The following IL5RA variants were observed in gnomAD, a reference collection of about 807,000 sequenced individuals.
IL5RA encodes interleukin 5 receptor subunit alpha, also known as interleukin-5 receptor subunit alpha.
A neutral mutation model predicts 50.0 loss-of-function variants in IL5RA; 49 were observed. The observed-to-expected ratio is 0.98, with a 90% CI of 0.78 to 1.24. The LOEUF (loss-of-function observed/expected upper bound fraction) is 1.24, where lower values mean the gene tolerates loss of function less well. Ranked by LOEUF, IL5RA falls within the 50% of genes most tolerant of loss-of-function variation. The pLI, the probability that IL5RA is intolerant of heterozygous loss-of-function variation, is 0.00. For missense variants in IL5RA, 600 were observed against 500.4 expected (o/e 1.20, Z -1.90); for synonymous variants, 202 against 174.0 (o/e 1.16, Z -1.26).
intron 11 of IL5RA, among the ~76,000 whole-genome samples, chr3:3,072,337 A>G (rs1407633953): frequency 6.6e-6 from 1 of 152,220 alleles, no homozygotes; most frequent in Non-Finnish European, 1.5e-5. Context: ...AAACTCTGCA[A>G]TGTGAGAAGA....
chr3:3,088,220 T>C (rs1702948641), intron 9 of IL5RA, among the ~76,000 whole-genome samples: 2 of 152,222 alleles, frequency 1.3e-5, no homozygotes, highest in South Asian at 4.1e-4. Flanking sequence ...GATCACAATT[T>C]CACTCTCAGC....
rs1702232841 is a variant in IL5RA at position 3,069,684 on chromosome 3, C to G, written c.*541G>C. The G allele has an allele frequency of 6.6e-6, 1 of 151,782 alleles. No individual in the cohort carries two copies. Among genetic ancestry groups the G allele is most frequent in the Non-Finnish European group, 1.5e-5 (1 of 68,292 alleles). 9.4% of individuals were successfully genotyped at this position (151,782 alleles called of 1,614,324 possible). A position where few individuals can be genotyped will look rare whatever the true frequency, so the allele number is the denominator to read the frequency against. ...TCATACACACACATACACAATCTAC[C>G]TAGAAAAAGATCATTCTAGAATGTA... On this transcript the variant is annotated 3_prime_UTR_variant, in exon 12 of 12. Coordinates refer to ENST00000446632, the MANE Select transcript of IL5RA (RefSeq NM_175726.4).
In IL5RA at chr3:3,099,731, A is replaced by G. The variant is rs534484112; in HGVS notation, c.368-1441T>C. ...GTCACCCAGGCTAGAGTGCAGTGGC[A>G]TGATCTCAGCTCACTGCAACCTCAC... On this transcript the variant is annotated intron_variant, in intron 5 of 11. Coordinates refer to ENST00000446632, the MANE Select transcript of IL5RA (RefSeq NM_175726.4). 4.0e-5 allele frequency among the ~76,000 whole-genome samples: 6 copies of G among 151,612 alleles called. No individual in the cohort carries two copies. In the South Asian group the frequency reaches 1.0e-3, roughly 26 times the overall value.
chr3:3,091,460 A>G (rs1356761614), intron 9 of IL5RA, among the ~76,000 whole-genome samples: 1 of 152,188 alleles, frequency 6.6e-6, no homozygotes, highest in Non-Finnish European at 1.5e-5. Context: ...GGCTCGGCAC[A>G]GCGGCTCATG....
At chr3:3,076,161 C>G (rs1459417533) in intron 10 of IL5RA, among the ~76,000 whole-genome samples, 6 of 152,112 alleles carry the variant, frequency 3.9e-5, no homozygotes, top group Non-Finnish European at 8.8e-5. Context: ...TTTAGCCTCC[C>G]TGAGCTGTGA....
chr3:3,107,526 A>G (rs1703985727), intron 2 of IL5RA, among the ~76,000 whole-genome samples: 1 of 152,228 alleles, frequency 6.6e-6, no homozygotes, highest in Admixed American at 6.5e-5. Context: ...TATCGACAAT[A>G]TGTTCGACTC....
At chr3:3,091,927 A>G (rs1703129207) in intron 9 of IL5RA, 3 of 1,004,912 alleles carry the variant, frequency 3.0e-6, no homozygotes, top group African/African-American at 3.4e-5. Context: ...TGTGATAATT[A>G]TTTCAAAATA....
chr3:3,104,788 C>G (rs1703826757), intron 3 of IL5RA, 115 bp downstream of exon 3: 1 of 577,918 alleles, frequency 1.7e-6, no homozygotes, highest in Admixed American at 3.2e-5. Flanking sequence ...TAAATATTGT[C>G]TCATAAAAAT....
chr3:3,107,928 C>CT (rs1250371950), intron 2 of IL5RA, among the ~76,000 whole-genome samples: 5 of 152,028 alleles, frequency 3.3e-5, no homozygotes, highest in Admixed American at 1.3e-4. Flanking sequence ...ATTTTCCCCT[C>CT]TTTTTTTTCC....
At chr3:3,073,810 A>G (rs970408194) in intron 11 of IL5RA, 4 of 451,408 alleles carry the variant, frequency 8.9e-6, no homozygotes, top group Non-Finnish European at 1.3e-5. Flanking sequence ...TAAGATGTAT[A>G]TGAAAATGCA....
chr3:3,071,727 C>T (rs1186643595), intron 11 of IL5RA, among the ~76,000 whole-genome samples: 1 of 152,004 alleles, frequency 6.6e-6, no homozygotes, highest in Non-Finnish European at 1.5e-5. Context: ...GTATCTGAGG[C>T]TACAGGTGTG....
At chr3:3,071,181 G>A (rs17659401) in intron 11 of IL5RA, among the ~76,000 whole-genome samples, 26,274 of 152,154 alleles carry the variant, frequency 0.17, 2,697 homozygotes, top group Non-Finnish European at 0.23. Flanking sequence ...CCACAGTGCC[G>A]TGTCTCGGGA....
At position 3,076,584 on chromosome 3, in the gene IL5RA, C is replaced by T; in HGVS notation, c.1038G>A (p.Val346=). Residue 346 remains valine (V), a synonymous_variant, in exon 10 of 12, where the codon GTG becomes GTA. Coordinates refer to ENST00000446632, the MANE Select transcript of IL5RA (RefSeq NM_175726.4). The part of the protein sequence containing the change: ...HKPLREWFVI[V]IMATICFILL... ...AGATGAAGCAGATGGTTGCCATAAT[C>T]ACAATGACAAACCACTCTCTCAAGG... The T allele has an allele frequency of 1.2e-6, 2 of 1,612,896 alleles. No homozygotes were observed. Among genetic ancestry groups the T allele is most frequent in the East Asian group, 2.2e-5 (1 of 44,874 alleles).
chr3:3,078,649 C>T (rs185703911), intron 9 of IL5RA, among the ~76,000 whole-genome samples: 5 of 152,254 alleles, frequency 3.3e-5, no homozygotes, highest in Admixed American at 3.3e-4. Flanking sequence ...GCCTGGCCAA[C>T]ATGGCAAAAC....
At chr3:3,086,659 C>T (rs954818119) in intron 9 of IL5RA, among the ~76,000 whole-genome samples, 4 of 147,542 alleles carry the variant, frequency 2.7e-5, no homozygotes, top group Non-Finnish European at 5.9e-5. Flanking sequence ...ATAGTGAGAC[C>T]CCTCATCTCT....
intron 5 of IL5RA, among the ~76,000 whole-genome samples, chr3:3,100,980 C>CAATAATAATAATAAT (rs35949387): frequency 5.6e-5 from 8 of 141,712 alleles, no homozygotes; most frequent in Non-Finnish European, 1.1e-4. Flanking sequence ...AACCCCATCT[C>CAATAATAATAATAAT]AATAATAATA....
chr3:3,088,304 TTA>T (rs1702954982), intron 9 of IL5RA, among the ~76,000 whole-genome samples: 1 of 152,188 alleles, frequency 6.6e-6, no homozygotes, highest in African/African-American at 2.4e-5. Flanking sequence ...AGTGCAGCAC[TTA>T]TATTTTACAG....
chr3:3,100,973 C>T (rs1045231942), intron 5 of IL5RA, among the ~76,000 whole-genome samples: 2 of 144,554 alleles, frequency 1.4e-5, no homozygotes, highest in Non-Finnish European at 3.0e-5. Context: ...ATGGCAAAAC[C>T]CCATCTCAAT....
Position 3,070,260 on chromosome 3 carries a change from G to C in IL5RA, c.1228C>G (p.Pro410Ala), listed in dbSNP as rs776315015. 10 of 1,613,216 alleles carry C rather than the reference G, an allele frequency of 6.2e-6. No individual in the cohort carries two copies. Among genetic ancestry groups the C allele is most frequent in the Admixed American group, 3.3e-5 (2 of 59,936 alleles). ...GAATCCTCCAGGGTCTCAACTCCAG[G>C]CTTCTCTATATAACAGATGACTTCA... ...EIEVICYIEK[P>A]GVETLEDSVF Residue 410 changes from proline to alanine, a missense_variant, in exon 12 of 12, where the codon CCT (proline) becomes GCT (alanine). By Grantham distance (27) the Pro-to-Ala change is conservative (BLOSUM62 -1). Coordinates refer to ENST00000446632, the MANE Select transcript of IL5RA (RefSeq NM_175726.4).
Sources: gnomAD v4.1 joint callset for allele counts (sites outside exome capture counted in the v4.1 genomes callset) on GRCh38, gnomAD v4.1.1 for gene constraint, MANE v1.5 for transcripts, NCBI Gene and HGNC (gene_info 2026-07-23, HGNC 2026-07-21) for gene names.